The following HNRNPA3 variants were observed in gnomAD, a reference collection of about 807,000 sequenced individuals.
HNRNPA3 encodes heterogeneous nuclear ribonucleoprotein A3.
HNRNPA3 carries 3 observed loss-of-function variants against 45.8 expected under a neutral mutation model. The ratio of observed to expected loss-of-function variants is 0.07; its 90% CI spans 0.03 to 0.17. HNRNPA3 has a LOEUF of 0.17. Ranked by LOEUF, HNRNPA3 falls within the 10% of genes least tolerant of loss-of-function variation. HNRNPA3 has a pLI of 1.00. For synonymous variants in HNRNPA3, 170 were observed against 155.6 expected, an observed-to-expected ratio of 1.09 and a Z score of -0.69; for missense variants, 183 against 480.3, an observed-to-expected ratio of 0.38 and a Z score of 5.79.
intron 7 of HNRNPA3, 41 bp from the exon 8 acceptor site, chr2:177,217,664 C>CT: frequency 6.2e-7 from 1 of 1,610,924 alleles, no homozygotes; most frequent in Non-Finnish European, 8.5e-7. Flanking sequence ...TGACTATACA[C>CT]TTAAGTTTTT....
chr2:177,223,028 C>T (rs1207775521), downstream of HNRNPA3: 1 of 152,320 alleles, frequency 6.6e-6, no homozygotes, highest in Non-Finnish European at 1.5e-5. Context: ...TTTTTGCTGC[C>T]CCAAAAGGGC....
chr2:177,218,899 A>G, intron 8 of HNRNPA3, 138 bp from the exon 9 acceptor site: 1 of 974,572 alleles, frequency 1.0e-6, no homozygotes, highest in South Asian at 1.7e-5. Context: ...TCCTGACATC[A>G]GTTACCCCAA....
chr2:177,216,279 G>A (rs1688929869), intron 4 of HNRNPA3, 91 bp downstream of exon 4: 3 of 876,072 alleles, frequency 3.4e-6, no homozygotes, highest in Non-Finnish European at 5.3e-6. Context: ...TTTCTGTTGC[G>A]TGTAATGGCA....
intron 7 of HNRNPA3, among the ~76,000 whole-genome samples, chr2:177,217,363 A>G (rs1356334373): frequency 6.6e-6 from 1 of 152,240 alleles, no homozygotes; most frequent in African/African-American, 2.4e-5. Context: ...AATGTAATAT[A>G]AAACCAGAGT....
At chr2:177,221,635 C>T (rs1045212959), downstream of HNRNPA3, 3 of 152,614 alleles carry the variant, frequency 2.0e-5, no homozygotes, top group African/African-American at 7.2e-5. Flanking sequence ...AGCGATTTAA[C>T]CACCTTTAAA....
chr2:177,219,934 C>G (rs957110632), exon 11 of HNRNPA3: 2 of 152,604 alleles, frequency 1.3e-5, no homozygotes, highest in Non-Finnish European at 2.9e-5. Flanking sequence ...GAAACACCTG[C>G]TGACTTGCAG....
At chr2:177,219,453 C>G (rs1689096251) in exon 11 of HNRNPA3, 1 of 606,908 alleles carries the variant, frequency 1.6e-6, no homozygotes, top group Admixed American at 3.4e-5. Context: ...GTCAGGAAAG[C>G]TGCAGGTTAC....
chr2:177,215,402 A>G (rs1688889606), intron 1 of HNRNPA3, 137 bp from the exon 2 acceptor site: 5 of 929,610 alleles, frequency 5.4e-6, no homozygotes, highest in South Asian at 3.2e-5. Context: ...TGTCTGGTCA[A>G]AGTTTTAACT....
At chr2:177,215,835 G>T (rs1364131531) in exon 3 of HNRNPA3, 1 of 1,609,628 alleles carries the variant, frequency 6.2e-7, no homozygotes, top group African/African-American at 1.3e-5. Flanking sequence ...GCAGCAATGT[G>T]TGCTCGACCA....
chr2:177,218,874 G>T (rs1331568124), intron 8 of HNRNPA3, among the ~76,000 whole-genome samples, 163 bp from the exon 9 acceptor site: 1 of 152,220 alleles, frequency 6.6e-6, no homozygotes, highest in Non-Finnish European at 1.5e-5. Context: ...ACAAAATGTT[G>T]ATGGTCTTTT....
intron 4 of HNRNPA3, 134 bp from the exon 5 acceptor site, chr2:177,216,367 CAG>C: frequency 1.4e-6 from 1 of 735,016 alleles, no homozygotes. Context: ...ATAAACATCT[CAG>C]AATGCTCCTT....
downstream of HNRNPA3, chr2:177,222,120 AG>A (rs1689205540): frequency 6.5e-6 from 1 of 152,724 alleles, no homozygotes; most frequent in South Asian, 2.1e-4. Context: ...TAAAATACGA[AG>A]GTTTCTGGCT....
chr2:177,218,048 T>C (rs886069143), intron 8 of HNRNPA3, among the ~76,000 whole-genome samples: 2 of 114,962 alleles, frequency 1.7e-5, no homozygotes, highest in African/African-American at 2.9e-5. Context: ...CAGCTCTCTT[T>C]TTTCTTTTTT....
downstream of HNRNPA3, chr2:177,222,308 C>T (rs1473382137): frequency 6.6e-6 from 1 of 152,176 alleles, no homozygotes; most frequent in Non-Finnish European, 1.5e-5. Flanking sequence ...TAAAAATTCC[C>T]CTGCGAAATA....
chr2:177,212,862 G>A (rs1479816996), exon 1 of HNRNPA3: 13 of 1,521,374 alleles, frequency 8.5e-6, no homozygotes, highest in Admixed American at 2.0e-5. Flanking sequence ...GTCGCCGCCG[G>A]GGGGAGGAGG....
intron 10 of HNRNPA3, 24 bp downstream of exon 10, chr2:177,219,338 A>T: frequency 6.5e-7 from 1 of 1,528,098 alleles, no homozygotes; most frequent in Non-Finnish European, 9.0e-7. Context: ...AATTTTTATT[A>T]TGATGATAAA....
At position 177,213,394 on chromosome 2, in the gene HNRNPA3, G is replaced by T. The variant is rs1456364735; in HGVS notation, c.72+523G>T. On this transcript the variant is annotated intron_variant, in intron 1 of 10. Transcript: ENST00000392524. ...CGGAGGCGGCCCGGCAGAAAAAGCC[G>T]CAAATGGCCTCGAAGCATGGGGAGG... Among the ~76,000 whole-genome samples, 6 of 152,246 alleles carry T rather than the reference G, an allele frequency of 3.9e-5. No homozygotes were observed. In the East Asian group the frequency reaches 1.2e-3, roughly 29 times the overall value.
At chr2:177,214,472 T>G (rs1443089162) in intron 1 of HNRNPA3, among the ~76,000 whole-genome samples, 1 of 152,138 alleles carries the variant, frequency 6.6e-6, no homozygotes, top group East Asian at 1.9e-4. Context: ...CATTCAGAAC[T>G]TTTAGATTGT....
chr2:177,216,803 C>T (rs1161515724), intron 6 of HNRNPA3, 32 bp downstream of exon 6: 5 of 1,613,534 alleles, frequency 3.1e-6, no homozygotes, highest in South Asian at 1.1e-5. Flanking sequence ...TACATGGATA[C>T]CTGACATTTT....
Sources: gnomAD v4.1 joint callset for allele counts (sites outside exome capture counted in the v4.1 genomes callset) on GRCh38, gnomAD v4.1.1 for gene constraint, MANE v1.5 for transcripts, NCBI Gene and HGNC (gene_info 2026-07-23, HGNC 2026-07-21) for gene names.